FGGY: variants seen among roughly 807,000 people sequenced by gnomAD.
FGGY encodes FGGY carbohydrate kinase domain containing.
In FGGY, 72 loss-of-function variants were observed where a neutral mutation model predicts 71.3. The observed-to-expected ratio is 1.01, with a 90% confidence interval of 0.84 to 1.23. The LOEUF (loss-of-function observed/expected upper bound fraction) is 1.23. Ranked by LOEUF, FGGY falls within the 50% of genes most tolerant of loss-of-function variation. The probability of loss-of-function intolerance (pLI) is 0.00; values close to 1 mark genes in which losing one functional copy is unlikely to be tolerated. For synonymous variants in FGGY, 251 were observed against 250.3 expected, an observed-to-expected ratio of 1.00 and a Z score of -0.02; for missense variants, 668 against 682.3, an observed-to-expected ratio of 0.98 and a Z score of 0.23.
At chr1:59,706,117 T>C (rs563834529) in intron 14 of FGGY, among the ~76,000 whole-genome samples, 217 of 152,282 alleles carry the variant, frequency 1.4e-3, no homozygotes, top group African/African-American at 5.0e-3. Flanking sequence ...CTTCAAGCAT[T>C]GTGGATCGTA....
At chr1:59,448,467 T>C (rs763814694) in intron 5 of FGGY, among the ~76,000 whole-genome samples, 1 of 152,156 alleles carries the variant, frequency 6.6e-6, no homozygotes, top group African/African-American at 2.4e-5. Context: ...TAATGGTCTA[T>C]GCAAGGAACC....
intron 15 of FGGY, among the ~76,000 whole-genome samples, chr1:59,760,801 T>G (rs770670484): frequency 3.3e-5 from 5 of 152,164 alleles, no homozygotes; most frequent in Non-Finnish European, 4.4e-5. Flanking sequence ...TGTGAAGGGG[T>G]GCTCACCTTA....
chr1:59,372,090 CA>C (rs1300018290), intron 4 of FGGY, among the ~76,000 whole-genome samples: 1 of 151,994 alleles, frequency 6.6e-6, no homozygotes, highest in Non-Finnish European at 1.5e-5. Context: ...AATCGAGACA[CA>C]AAAAACCCTT....
At chr1:59,654,125 T>G (rs1192025925) in intron 11 of FGGY, among the ~76,000 whole-genome samples, 1 of 152,250 alleles carries the variant, frequency 6.6e-6, no homozygotes, top group Admixed American at 6.5e-5. Context: ...GGTAGCACAG[T>G]CATCTGCATT....
intron 5 of FGGY, among the ~76,000 whole-genome samples, chr1:59,408,998 T>C (rs950878104): frequency 6.6e-6 from 1 of 152,206 alleles, no homozygotes; most frequent in African/African-American, 2.4e-5. Context: ...TATTTAACTT[T>C]TATCCATGTA....
chr1:59,501,467 T>A (rs116571544), intron 6 of FGGY, among the ~76,000 whole-genome samples: 1 of 152,176 alleles, frequency 6.6e-6, no homozygotes, highest in African/African-American at 2.4e-5. Flanking sequence ...TTAAACCTTG[T>A]AATATTTTTA....
At chr1:59,481,583 G>T (rs1362160137) in intron 6 of FGGY, among the ~76,000 whole-genome samples, 1 of 152,166 alleles carries the variant, frequency 6.6e-6, no homozygotes, top group Non-Finnish European at 1.5e-5. Flanking sequence ...TTGTAAAAAT[G>T]AATCACCTAT....
At chr1:59,539,100 T>G (rs762731513) in intron 7 of FGGY, among the ~76,000 whole-genome samples, 6 of 152,128 alleles carry the variant, frequency 3.9e-5, no homozygotes, top group Non-Finnish European at 5.9e-5. Flanking sequence ...CAGAAAGGTA[T>G]AAAACATTGA....
intron 14 of FGGY, among the ~76,000 whole-genome samples, chr1:59,739,408 G>A (rs925211858): frequency 1.3e-5 from 2 of 152,144 alleles, no homozygotes; most frequent in East Asian, 1.9e-4. Context: ...ATGTAAAAAC[G>A]TTCATTCAAA....
chr1:59,346,425 T>TACCA, intron 4 of FGGY, 27 bp downstream of exon 4: 4 of 1,609,118 alleles, frequency 2.5e-6, no homozygotes, highest in Non-Finnish European at 3.4e-6. Flanking sequence ...TAAGAGAAGA[T>TACCA]ACCAACAATA....
intron 14 of FGGY, among the ~76,000 whole-genome samples, chr1:59,692,774 G>A (rs2097604356): frequency 6.6e-6 from 1 of 152,158 alleles, no homozygotes; most frequent in South Asian, 2.1e-4. Context: ...TCTAATTGAT[G>A]GCAGATGTTG....
Position 59,349,623 on chromosome 1 carries a change from T to A in FGGY, c.465+3225T>A, listed in dbSNP as rs61547137. On this transcript the variant is annotated intron_variant, in intron 4 of 15. Coordinates refer to ENST00000303721, the MANE Select transcript of FGGY (RefSeq NM_018291.5). ...GAGAACATCTTATATTAATTTATTTTAAAAAATCAATTTTCTTTCAGAATT... is the reference window on the plus strand; with the variant it reads ...GAGAACATCTTATATTAATTTATTTAAAAAAATCAATTTTCTTTCAGAATT... Among the ~76,000 whole-genome samples the A allele has an allele frequency of 5.3e-3, 802 of 152,330 alleles. 6 individuals carry two copies. Among genetic ancestry groups the A allele is most frequent in the African/African-American group, 0.018 (755 of 41,588 alleles).
intron 5 of FGGY, among the ~76,000 whole-genome samples, chr1:59,383,847 A>G (rs1453369095): frequency 6.6e-6 from 1 of 152,152 alleles, no homozygotes; most frequent in Non-Finnish European, 1.5e-5. Context: ...TTAACCTTAC[A>G]TGTATTGATT....
chr1:59,571,766 A>C (rs1175324802), intron 8 of FGGY, among the ~76,000 whole-genome samples: 2 of 152,262 alleles, frequency 1.3e-5, no homozygotes. Context: ...GACATACTTA[A>C]AATGTAGGAA....
At chr1:59,428,151 T>A (rs1055771561) in intron 5 of FGGY, among the ~76,000 whole-genome samples, 1 of 152,212 alleles carries the variant, frequency 6.6e-6, no homozygotes, top group Non-Finnish European at 1.5e-5. Context: ...ATTCCAAGTG[T>A]CCTGCAAGTG....
intron 5 of FGGY, among the ~76,000 whole-genome samples, chr1:59,454,820 T>C (rs2091523537): frequency 1.3e-5 from 2 of 152,254 alleles, no homozygotes; most frequent in Non-Finnish European, 2.9e-5. Flanking sequence ...CTAGATATTT[T>C]GCATACCACT....
intron 10 of FGGY, among the ~76,000 whole-genome samples, chr1:59,627,873 T>A (rs2153850329): frequency 6.6e-6 from 1 of 152,094 alleles, no homozygotes; most frequent in East Asian, 1.9e-4. Flanking sequence ...CATAAGTAAA[T>A]AACTTTGTAA....
chr1:59,489,773 G>GT (rs2093768636), intron 6 of FGGY, among the ~76,000 whole-genome samples: 1 of 152,076 alleles, frequency 6.6e-6, no homozygotes, highest in Non-Finnish European at 1.5e-5. Flanking sequence ...TCTGTTTGTA[G>GT]TTTTTTGAGG....
intron 14 of FGGY, among the ~76,000 whole-genome samples, chr1:59,698,029 CTGAT>C (rs974586737): frequency 6.6e-6 from 1 of 151,864 alleles, no homozygotes; most frequent in Non-Finnish European, 1.5e-5. Flanking sequence ...TTTTTTCCTT[CTGAT>C]TGATGAGATG....
Sources: allele counts gnomAD v4.1 joint callset (sites outside exome capture counted in the v4.1 genomes callset), GRCh38; gene constraint gnomAD v4.1.1; transcripts MANE v1.5; gene names NCBI Gene and HGNC (gene_info 2026-07-23, HGNC 2026-07-21).